Variants in KCNK2 observed in about 807,000 individuals in gnomAD.
The protein encoded by KCNK2 is potassium channel subfamily K member 2.
Under a neutral mutation model 40.5 loss-of-function variants are expected in KCNK2, and 21 were observed. The ratio of observed to expected loss-of-function variants is 0.52; its 90% CI spans 0.37 to 0.75. The LOEUF (loss-of-function observed/expected upper bound fraction) is 0.75. Among genes scored for constraint, KCNK2 ranks in the 30% least tolerant of loss-of-function variants. KCNK2 has a pLI of 0.00. For missense variants in KCNK2, 399 were observed against 531.6 expected (o/e 0.75, Z 2.45); for synonymous variants, 191 against 202.2 (o/e 0.94, Z 0.47).
rs1558150327 is a variant in KCNK2, at chr1:215,230,533, G to GCCATATATA, written c.964-4295_964-4294insCCATATATA. Among the ~76,000 whole-genome samples the GCCATATATA allele has an allele frequency of 1.4e-3, 87 of 62,526 alleles. 5 individuals are homozygous for GCCATATATA. Among genetic ancestry groups the GCCATATATA allele is most frequent in the South Asian group, 5.6e-3 (10 of 1,778 alleles). The allele number at this position is 62,526 out of a possible 152,430, so 41.0% of individuals were successfully genotyped here. ...TATATATATATATATATATATATAT[G>GCCATATATA]TATATATATACACACACATAACAGC... On this transcript the variant is annotated intron_variant, in intron 6 of 6. Coordinates refer to ENST00000444842, the MANE Select transcript of KCNK2 (RefSeq NM_001017425.3).
At chr1:215,078,733 C>T (rs955706449), upstream of KCNK2, among the ~76,000 whole-genome samples, 2 of 152,176 alleles carry the variant, frequency 1.3e-5, no homozygotes, top group African/African-American at 4.8e-5. Flanking sequence ...TAAATGCTGT[C>T]TCACTTTGAT....
chr1:215,083,448 G>C lies in KCNK2; in HGVS notation c.46+17G>C, dbSNP rs771379034. 1.9e-6 allele frequency: 3 copies of C among 1,586,356 alleles called. No homozygotes were observed. Among genetic ancestry groups the C allele is most frequent in the Non-Finnish European group, 2.6e-6 (3 of 1,155,932 alleles). ...GAGCAGGAGGTGAGACCCCCCCTCC[G>C]GTACCCCCACCCCTCTGGCCGCACG... is the stretch of plus-strand genomic sequence containing the variant. On this transcript the variant is annotated intron_variant, in intron 1 of 6. Transcript: ENST00000444842.
At chr1:215,055,418 G>T in intron 1 of KCNK2, among the ~76,000 whole-genome samples, 1 of 152,198 alleles carries the variant, frequency 6.6e-6, no homozygotes, top group East Asian at 1.9e-4. Context: ...TTTTAAACAA[G>T]ATGCAATACA....
chr1:215,136,026 C>G (rs1393149664), intron 3 of KCNK2, among the ~76,000 whole-genome samples: 1 of 152,156 alleles, frequency 6.6e-6, no homozygotes, highest in African/African-American at 2.4e-5. Flanking sequence ...AGCCACCGTG[C>G]CTGGCCTACC....
intron 1 of KCNK2, among the ~76,000 whole-genome samples, chr1:215,038,990 A>G (rs1243654508): frequency 3.9e-5 from 6 of 152,138 alleles, no homozygotes; most frequent in Admixed American, 1.3e-4. Flanking sequence ...TATGAAAAAA[A>G]AAAGAATGAA....
intron 1 of KCNK2, among the ~76,000 whole-genome samples, chr1:215,029,081 A>G (rs965683267): frequency 6.6e-6 from 1 of 151,930 alleles, no homozygotes; most frequent in Non-Finnish European, 1.5e-5. Context: ...CCGCAATATC[A>G]ACATCCCCCA....
In KCNK2 at chr1:215,070,395, A is replaced by G. The variant is rs924716835; in HGVS notation, c.35-15973A>G. 5.0e-4 allele frequency among the ~76,000 whole-genome samples: 67 copies of G among 134,926 alleles called. 1 individual carries two copies. Among genetic ancestry groups the G allele is most frequent in the African/African-American group, 1.1e-3 (41 of 36,694 alleles). 88.5% of individuals were successfully genotyped at this position (134,926 alleles called of 152,430 possible). A position where few individuals can be genotyped will look rare whatever the true frequency, so the allele number is the denominator to read the frequency against. On this transcript the variant is annotated intron_variant, in intron 1 of 6. Coordinates refer to the KCNK2 transcript ENST00000391895. ...TGCACCACTGCACTCCAGCCTGGGC[A>G]ACAGAGTGAGACCCCGTCTTAAAAA...
intron 2 of KCNK2, among the ~76,000 whole-genome samples, chr1:215,115,334 C>T (rs1011173841): frequency 3.9e-5 from 6 of 151,976 alleles, no homozygotes; most frequent in Admixed American, 2.0e-4. Flanking sequence ...TGGAAAAAAA[C>T]GAGAGGTTTT....
intron 5 of KCNK2, among the ~76,000 whole-genome samples, chr1:215,181,437 G>A (rs1239926298): frequency 6.6e-6 from 1 of 152,042 alleles, no homozygotes; most frequent in Non-Finnish European, 1.5e-5. Flanking sequence ...ATTTTTTCAT[G>A]GTGCCAGAAT....
intron 3 of KCNK2, among the ~76,000 whole-genome samples, chr1:215,160,957 A>C (rs1301352180): frequency 6.6e-6 from 1 of 151,906 alleles, no homozygotes; most frequent in East Asian, 1.9e-4. Context: ...CCTTGATCCT[A>C]CCCTGGTATC....
intron 2 of KCNK2, among the ~76,000 whole-genome samples, chr1:215,122,427 C>G (rs1661228845): frequency 6.6e-6 from 1 of 152,066 alleles, no homozygotes; most frequent in Non-Finnish European, 1.5e-5. Flanking sequence ...TTATCTGATA[C>G]TATAGTTACA....
chr1:215,015,745 G>A (rs932349406), intron 1 of KCNK2, among the ~76,000 whole-genome samples: 7 of 152,132 alleles, frequency 4.6e-5, no homozygotes, highest in Admixed American at 2.0e-4. Flanking sequence ...TTAATGTATT[G>A]AAGGGTTAGC....
chr1:215,149,111 A>T (rs1457252538), intron 3 of KCNK2, among the ~76,000 whole-genome samples: 5 of 152,150 alleles, frequency 3.3e-5, no homozygotes, highest in Admixed American at 6.5e-5. Flanking sequence ...AGAGTTGGTT[A>T]TTAGGAGATG....
chr1:215,084,451 T>C (rs1659341322), intron 1 of KCNK2, among the ~76,000 whole-genome samples: 1 of 152,208 alleles, frequency 6.6e-6, no homozygotes, highest in South Asian at 2.1e-4. Context: ...AACTTCTATG[T>C]GATTTTTTTG....
chr1:215,196,871 C>G (rs540842633), intron 6 of KCNK2, among the ~76,000 whole-genome samples: 1 of 152,224 alleles, frequency 6.6e-6, no homozygotes, highest in South Asian at 2.1e-4. Flanking sequence ...AATAATCTGG[C>G]TTTCAAATGG....
At position 215,083,411 on chromosome 1, in the gene KCNK2, G is replaced by C. The variant is rs1659269593; in HGVS notation, c.26G>C (p.Arg9Thr). Residue 9 changes from arginine to threonine, a missense_variant, in exon 1 of 7, where the codon AGA becomes ACA. Physicochemically the swap from Arg to Thr is moderately conservative, Grantham distance 71. This residue lies in a region of KCNK2 where 279 missense variants were observed against 353.8 expected (regional missense o/e 0.79). Transcript: ENST00000444842. Reference sequence around the variant, plus strand: ...ATGCTTCCCAGCGCCTCGCGGGAGAGACCCGGCTATAGAGCAGGAGGTGAG... The same window carrying C: ...ATGCTTCCCAGCGCCTCGCGGGAGACACCCGGCTATAGAGCAGGAGGTGAG... Reference protein sequence around the residue: MLPSASRERPGYRAGVAAP... With the variant: MLPSASRETPGYRAGVAAP... 6.2e-7 allele frequency: 1 copy of C among 1,613,860 alleles called. No homozygotes were observed. The highest frequency in any genetic ancestry group is 8.5e-7 in the Non-Finnish European group (1 of 1,179,864).
rs1214318973 is a variant in KCNK2, at chr1:215,007,037, A to ATGTGTGTG, written c.34+1088_34+1095dup. Among the ~76,000 whole-genome samples the ATGTGTGTG allele has an allele frequency of 7.4e-3, 381 of 51,308 alleles. 10 individuals are homozygous for ATGTGTGTG. Among genetic ancestry groups the ATGTGTGTG allele is most frequent in the African/African-American group, 0.021 (331 of 15,928 alleles). 33.7% of individuals were successfully genotyped at this position (51,308 alleles called of 152,430 possible). On this transcript the variant is annotated intron_variant, in intron 1 of 6. Coordinates refer to the KCNK2 transcript ENST00000391895. Reference sequence around the variant, plus strand: ...TATATATATATATATATATATATATATGTGTGTGTGTGTATATATATATGT... The same window carrying ATGTGTGTG: ...TATATATATATATATATATATATATATGTGTGTGTGTGTGTGTGTGTATATATATATGT...
chr1:215,117,529 G>T (rs2102571654), intron 2 of KCNK2, among the ~76,000 whole-genome samples: 1 of 152,234 alleles, frequency 6.6e-6, no homozygotes, highest in African/African-American at 2.4e-5. Flanking sequence ...AATTTAGTAT[G>T]TTATACACAC....
Position 215,167,865 on chromosome 1 carries a change from A to G in KCNK2, c.476-1334A>G, listed in dbSNP as rs193269472. 1.7e-3 allele frequency among the ~76,000 whole-genome samples: 255 copies of G among 152,296 alleles called. 1 individual carries two copies. The highest frequency in any genetic ancestry group is 5.8e-3 in the African/African-American group (240 of 41,570). Reference sequence around the variant, plus strand: ...GCAGTTGCAACCAAAGCCAACATTGAAAAATGGAGTATAATTAAGCCAAAG... The same window carrying G: ...GCAGTTGCAACCAAAGCCAACATTGGAAAATGGAGTATAATTAAGCCAAAG... On this transcript the variant is annotated intron_variant, in intron 3 of 6. Coordinates refer to ENST00000444842, the MANE Select transcript of KCNK2 (RefSeq NM_001017425.3).
Sources: gnomAD v4.1 joint callset for allele counts (sites outside exome capture counted in the v4.1 genomes callset) on GRCh38, gnomAD v4.1.1 for gene constraint, gnomAD v4.1.1 regional missense constraint, MANE v1.5 for transcripts, NCBI Gene and HGNC (gene_info 2026-07-23, HGNC 2026-07-21) for gene names.